Variants in ATP6V1C1 observed in about 807,000 individuals in gnomAD.
ATP6V1C1 encodes V-type proton ATPase subunit C 1.
A neutral mutation model predicts 53.9 loss-of-function variants in ATP6V1C1; 45 were observed. The ratio of observed to expected loss-of-function variants is 0.83; its 90% confidence interval spans 0.66 to 1.07. The LOEUF (loss-of-function observed/expected upper bound fraction) is 1.07. Ranked by LOEUF, ATP6V1C1 falls within the 50% of genes least tolerant of loss-of-function variation. The pLI, the probability that ATP6V1C1 is intolerant of heterozygous loss-of-function variation, is 0.00. For missense variants in ATP6V1C1, 315 were observed against 440.3 expected, an observed-to-expected ratio of 0.72 and a Z score of 2.55; for synonymous variants, 153 against 155.2, an observed-to-expected ratio of 0.99 and a Z score of 0.11.
At chr8:103,053,489 C>T (rs115867798) in intron 6 of ATP6V1C1, among the ~76,000 whole-genome samples, 3,461 of 151,940 alleles carry the variant, frequency 0.023, 102 homozygotes, top group African/African-American at 0.071. Context: ...TGCCTAGTAT[C>T]AAATGATACC....
intron 8 of ATP6V1C1, among the ~76,000 whole-genome samples, chr8:103,056,936 T>C (rs896283852): frequency 6.6e-6 from 1 of 151,928 alleles, no homozygotes; most frequent in Non-Finnish European, 1.5e-5. Context: ...GGGATCTGAG[T>C]TCTATTGCTG....
chr8:103,026,027 G>A (rs1816688607), intron 1 of ATP6V1C1, among the ~76,000 whole-genome samples: 1 of 152,320 alleles, frequency 6.6e-6, no homozygotes, highest in Non-Finnish European at 1.5e-5. Flanking sequence ...CATGAGTGTA[G>A]ATTCAGGGAA....
rs1331008711 is a variant in ATP6V1C1, at chr8:103,072,671, T to G, written c.*3924T>G. 3 of 152,238 alleles carry G rather than the reference T, an allele frequency of 2.0e-5. No individual in the cohort carries two copies. The highest frequency in any genetic ancestry group is 4.4e-5 in the Non-Finnish European group (3 of 68,036). 9.4% of individuals were successfully genotyped at this position (152,238 alleles called of 1,614,324 possible). Reference sequence around the variant, plus strand: ...ATATATGGAGGTAATTCTTGCTTTCTAAAGAAAGGAATATGGCACATTGGA... The same window carrying G: ...ATATATGGAGGTAATTCTTGCTTTCGAAAGAAAGGAATATGGCACATTGGA... On this transcript the variant is annotated 3_prime_UTR_variant, in exon 13 of 13. Coordinates refer to ENST00000518738, the MANE Select transcript of ATP6V1C1 (RefSeq NM_001695.5).
rs1260927280 is a variant in ATP6V1C1, at chr8:103,070,423, G to A, written c.*1676G>A. 1 of 152,228 alleles carries A rather than the reference G, an allele frequency of 6.6e-6. No individual in the cohort carries two copies. The highest frequency in any genetic ancestry group is 2.4e-5 in the African/African-American group (1 of 41,446). 9.4% of individuals were successfully genotyped at this position (152,228 alleles called of 1,614,324 possible). ...TGTCAGAATTCTAAACTAAAGACATGTTTGGAGTGTGGATTTATCTTCAGT... is the reference window on the plus strand; with the variant it reads ...TGTCAGAATTCTAAACTAAAGACATATTTGGAGTGTGGATTTATCTTCAGT... On this transcript the variant is annotated 3_prime_UTR_variant, in exon 13 of 13. Coordinates refer to ENST00000518738, the MANE Select transcript of ATP6V1C1 (RefSeq NM_001695.5).
In ATP6V1C1 at chr8:103,040,898, A is replaced by T. The variant is rs1347650970; in HGVS notation, c.62A>T (p.Lys21Ile). 1 of 1,614,160 alleles carries T rather than the reference A, an allele frequency of 6.2e-7. No individual in the cohort carries two copies. Among genetic ancestry groups the T allele is most frequent in the Admixed American group, 1.7e-5 (1 of 60,026 alleles). ...GEKTCQQTWE[K>I]LHAATSKNNN... ...AAAACCTGTCAGCAAACATGGGAGA[A>T]ATTGCATGCGGCAACTTCAAAGAAC... The change falls in exon 2 of 13, where the codon AAA becomes ATA. Residue 21 changes from lysine to isoleucine, a missense_variant. Physicochemically the swap from Lys to Ile is moderately radical, Grantham distance 102. Coordinates refer to ENST00000518738, the MANE Select transcript of ATP6V1C1 (RefSeq NM_001695.5).
intron 4 of ATP6V1C1, 39 bp downstream of exon 4, chr8:103,048,994 C>T (rs772681405): frequency 7.1e-6 from 11 of 1,558,212 alleles, no homozygotes; most frequent in Non-Finnish European, 9.7e-6. Context: ...TTAACTCATA[C>T]AAAGCAAATA....
chr8:103,059,674 C>G (rs1817358674), intron 8 of ATP6V1C1, among the ~76,000 whole-genome samples: 1 of 152,160 alleles, frequency 6.6e-6, no homozygotes. Flanking sequence ...CTCCCCACTC[C>G]CCCAAGACCC....
At chr8:103,065,140 G>A (rs1272952927) in intron 11 of ATP6V1C1, among the ~76,000 whole-genome samples, 1 of 152,170 alleles carries the variant, frequency 6.6e-6, no homozygotes, top group Non-Finnish European at 1.5e-5. Context: ...TGGATACATA[G>A]TATGCTAATG....
chr8:103,029,279 CTCT>C (rs200416186), intron 1 of ATP6V1C1, among the ~76,000 whole-genome samples: 54 of 120,640 alleles, frequency 4.5e-4, no homozygotes, highest in African/African-American at 1.2e-3. Flanking sequence ...CTCTCTCTCT[CTCT>C]TCTTTTTTTT....
chr8:103,060,003 T>C (rs1817368614), intron 8 of ATP6V1C1, among the ~76,000 whole-genome samples: 1 of 150,216 alleles, frequency 6.7e-6, no homozygotes, highest in African/African-American at 2.4e-5. Context: ...ACACAGTCTC[T>C]CTCACCCAGG....
In ATP6V1C1 at chr8:103,063,156, G is replaced by C; in HGVS notation, c.756G>C (p.Gln252His). The change falls in exon 10 of 13, where the codon CAG becomes CAC. Residue 252 changes from glutamine to histidine, a missense_variant. Gln to His is a conservative substitution (Grantham distance 24). Coordinates refer to ENST00000518738, the MANE Select transcript of ATP6V1C1 (RefSeq NM_001695.5). ...TTAGATTCATTGTTCGTGACTTCCA[G>C]TATAATGAAGAGGAGATGAAAGCAG... The part of the protein sequence containing the change: ...RENKFIVRDF[Q>H]YNEEEMKADK... 6.2e-7 allele frequency: 1 copy of C among 1,613,264 alleles called. No homozygotes were observed. The highest frequency in any genetic ancestry group is 1.1e-5 in the South Asian group (1 of 90,988).
At chr8:103,035,535 T>C (rs943154509) in intron 1 of ATP6V1C1, among the ~76,000 whole-genome samples, 1 of 152,066 alleles carries the variant, frequency 6.6e-6, no homozygotes, top group Non-Finnish European at 1.5e-5. Context: ...TTATAAAGTA[T>C]AAGTAAGCAA....
intron 1 of ATP6V1C1, among the ~76,000 whole-genome samples, chr8:103,034,556 A>G (rs909805823): frequency 5.4e-5 from 8 of 147,446 alleles, no homozygotes; most frequent in African/African-American, 7.7e-5. Context: ...ATTGTTCTTA[A>G]ATTTCAAGGA....
chr8:103,034,324 G>T (rs961951863), intron 1 of ATP6V1C1, among the ~76,000 whole-genome samples: 3 of 152,106 alleles, frequency 2.0e-5, no homozygotes, highest in African/African-American at 7.2e-5. Context: ...TCGTATTCAA[G>T]ATAAAATAAA....
Position 103,053,969 on chromosome 8 carries a change from G to T in ATP6V1C1, c.559G>T (p.Val187Leu). The T allele has an allele frequency of 1.2e-6, 2 of 1,606,390 alleles. No individual in the cohort carries two copies. Among genetic ancestry groups the T allele is most frequent in the Non-Finnish European group, 1.7e-6 (2 of 1,176,042 alleles). ...LDSEYLVTLL[V>L]VVPKLNHNDW... ...TTCAGAGTATCTCGTCACATTACTG[G>T]TAGTAGTTCCCAAGTAAGTCTTTCT... Residue 187 changes from valine (V) to leucine (L), a missense_variant, in exon 7 of 13, where the codon GTA becomes TTA. By Grantham distance (32) the Val-to-Leu change is conservative. Transcript: ENST00000518738.
Position 103,063,146 on chromosome 8 carries a change from G to A in ATP6V1C1, c.746G>A (p.Arg249His), listed in dbSNP as rs770366596. 8.7e-6 allele frequency: 14 copies of A among 1,612,926 alleles called. No individual in the cohort carries two copies. Among genetic ancestry groups the A allele is most frequent in the Non-Finnish European group, 1.2e-5 (14 of 1,179,308 alleles). The change falls in exon 10 of 13, where the codon CGT becomes CAT. Residue 249 changes from arginine to histidine, a missense_variant. Physicochemically the swap from Arg to His is conservative, Grantham distance 29. Coordinates refer to ENST00000518738, the MANE Select transcript of ATP6V1C1 (RefSeq NM_001695.5). ...HKARENKFIV[R>H]DFQYNEEEMK... Reference sequence around the variant, plus strand: ...TCCCCCAAATTTAGATTCATTGTTCGTGACTTCCAGTATAATGAAGAGGAG... The same window carrying A: ...TCCCCCAAATTTAGATTCATTGTTCATGACTTCCAGTATAATGAAGAGGAG...
At chr8:103,057,356 A>G (rs11991717) in intron 8 of ATP6V1C1, among the ~76,000 whole-genome samples, 9,495 of 152,288 alleles carry the variant, frequency 0.062, 980 homozygotes, top group African/African-American at 0.21. Context: ...TGGTTGCAGA[A>G]GGCAACTAAT....
intron 1 of ATP6V1C1, among the ~76,000 whole-genome samples, chr8:103,032,053 G>T (rs1233247467): frequency 6.6e-6 from 1 of 151,592 alleles, no homozygotes. Flanking sequence ...CTGATAAATC[G>T]GACATTGGCA....
chr8:103,064,885 C>A, intron 11 of ATP6V1C1, 74 bp downstream of exon 11: 1 of 1,288,166 alleles, frequency 7.8e-7, no homozygotes, highest in Non-Finnish European at 1.1e-6. Flanking sequence ...TTTATTATAA[C>A]ACAGTCCAGC....
Sources: allele counts gnomAD v4.1 joint callset (sites outside exome capture counted in the v4.1 genomes callset), GRCh38; gene constraint gnomAD v4.1.1; transcripts MANE v1.5; gene names NCBI Gene and HGNC (gene_info 2026-07-23, HGNC 2026-07-21).